Variants in PTPRE observed in about 807,000 individuals in gnomAD.
PTPRE encodes the protein protein tyrosine phosphatase receptor type E.
Under a neutral mutation model 102.0 loss-of-function variants are expected in PTPRE, and 51 were observed. The observed-to-expected ratio is 0.50, with a 90% CI of 0.40 to 0.63. The LOEUF is 0.63. Among genes scored for constraint, PTPRE ranks in the 30% least tolerant of loss-of-function variants. The probability of loss-of-function intolerance (pLI) is 0.00; values close to 1 mark genes in which losing one functional copy is unlikely to be tolerated. For synonymous variants in PTPRE, 345 were observed against 348.2 expected (o/e 0.99, Z 0.10); for missense variants, 752 against 915.1 (o/e 0.82, Z 2.30).
chr10:127,957,565 C>G (rs533630268), intron 1 of PTPRE, among the ~76,000 whole-genome samples: 2 of 152,326 alleles, frequency 1.3e-5, no homozygotes, highest in South Asian at 2.1e-4. Flanking sequence ...GAAAGGCTCT[C>G]CATTCTGTTC....
chr10:128,023,694 G>A (rs1437273614), intron 2 of PTPRE, among the ~76,000 whole-genome samples: 1 of 152,202 alleles, frequency 6.6e-6, no homozygotes, highest in Non-Finnish European at 1.5e-5. Flanking sequence ...AATCGATGGT[G>A]CTTTCCATTA....
intron 1 of PTPRE, among the ~76,000 whole-genome samples, chr10:127,957,158 G>A (rs555914354): frequency 6.6e-6 from 1 of 151,970 alleles, no homozygotes; most frequent in African/African-American, 2.4e-5. Flanking sequence ...CTTATCCAAG[G>A]TCATCTAGAT....
chr10:127,999,885 G>A (rs1853690403), intron 2 of PTPRE: 1 of 985,372 alleles, frequency 1.0e-6, no homozygotes, highest in East Asian at 1.1e-4. Flanking sequence ...CAAATTATCA[G>A]CCCAGGAGAC....
At chr10:127,936,403 A>G (rs898629008) in intron 1 of PTPRE, among the ~76,000 whole-genome samples, 1 of 152,130 alleles carries the variant, frequency 6.6e-6, no homozygotes, top group African/African-American at 2.4e-5. Context: ...TATGTTGTAG[A>G]TGTTATGAAT....
intron 1 of PTPRE, among the ~76,000 whole-genome samples, chr10:127,970,661 A>G (rs1461956876): frequency 6.6e-6 from 1 of 151,836 alleles, no homozygotes; most frequent in Non-Finnish European, 1.5e-5. Flanking sequence ...GTTTTATTAT[A>G]TCAAACTCTG....
intron 1 of PTPRE, among the ~76,000 whole-genome samples, chr10:127,958,938 C>G (rs1849595631): frequency 6.7e-6 from 1 of 149,510 alleles, no homozygotes; most frequent in Non-Finnish European, 1.5e-5. Flanking sequence ...CTCTTGTTGC[C>G]CAGGCTGGAG....
chr10:127,996,426 A>G (rs1008534559), intron 2 of PTPRE, among the ~76,000 whole-genome samples: 2 of 152,208 alleles, frequency 1.3e-5, no homozygotes, highest in Non-Finnish European at 2.9e-5. Context: ...CAGTGGTGCC[A>G]TTTTTCCAGA....
intron 11 of PTPRE, 45 bp from the exon 12 acceptor site, chr10:128,068,078 G>A (rs377441443): frequency 1.6e-5 from 25 of 1,577,962 alleles, no homozygotes; most frequent in Middle Eastern, 2.0e-4. Context: ...GGGGAGCAGG[G>A]GGAGGATTGT....
intron 2 of PTPRE, among the ~76,000 whole-genome samples, chr10:128,038,053 G>C (rs1190890872): frequency 6.7e-6 from 1 of 148,974 alleles, no homozygotes; most frequent in Non-Finnish European, 1.5e-5. Context: ...CACCCGCCTC[G>C]GCCTCTCAAA....
intron 15 of PTPRE, chr10:128,071,181 G>A (rs961198797): frequency 1.3e-5 from 6 of 467,348 alleles, no homozygotes; most frequent in African/African-American, 1.9e-5. Flanking sequence ...CTGATTTCAG[G>A]GGAGGGCTTC....
intron 2 of PTPRE, among the ~76,000 whole-genome samples, chr10:128,038,307 G>A (rs1847397057): frequency 6.6e-6 from 1 of 152,176 alleles, no homozygotes; most frequent in South Asian, 2.1e-4. Flanking sequence ...CCATTACTGG[G>A]TATATACCCA....
chr10:127,969,650 G>A (rs995830997), intron 1 of PTPRE, among the ~76,000 whole-genome samples: 5 of 135,266 alleles, frequency 3.7e-5, no homozygotes, highest in Non-Finnish European at 6.2e-5. Flanking sequence ...CCTGGCAACA[G>A]AGCGATACTC....
intron 1 of PTPRE, among the ~76,000 whole-genome samples, chr10:127,917,308 G>A (rs150457160): frequency 2.6e-5 from 4 of 152,130 alleles, no homozygotes; most frequent in African/African-American, 9.6e-5. Flanking sequence ...CCAAAGGGAA[G>A]CGAAGAGAGT....
intron 17 of PTPRE, among the ~76,000 whole-genome samples, chr10:128,073,890 T>C (rs1487229911): frequency 6.6e-6 from 1 of 152,266 alleles, no homozygotes; most frequent in African/African-American, 2.4e-5. Context: ...TTTGTGTTTT[T>C]ATTTCTTTGC....
chr10:128,029,359 C>T (rs1425267461), intron 2 of PTPRE, among the ~76,000 whole-genome samples: 1 of 152,196 alleles, frequency 6.6e-6, no homozygotes, highest in African/African-American at 2.4e-5. Context: ...AGCCCTGACC[C>T]AGCACCCACT....
chr10:127,909,866 G>A (rs73374394), intron 1 of PTPRE, among the ~76,000 whole-genome samples: 4,605 of 152,174 alleles, frequency 0.03, 147 homozygotes, highest in African/African-American at 0.077. Flanking sequence ...CATTTTTGCC[G>A]ATGTGGATGG....
In PTPRE at chr10:127,944,030, G is replaced by A. The variant is rs559558103; in HGVS notation, c.-31+36721G>A. Among the ~76,000 whole-genome samples the A allele has an allele frequency of 5.8e-4, 88 of 152,322 alleles. 2 individuals carry two copies. In the South Asian group the frequency reaches 0.017, roughly 30 times the overall value. ...CCCAACAAGTGGGGCATTTGTGCAC[G>A]ACAGAACCTAAGGGCACACAAAGTT... On this transcript the variant is annotated intron_variant, in intron 1 of 20. Coordinates refer to ENST00000254667, the MANE Select transcript of PTPRE (RefSeq NM_006504.6). This position sits in a 1 kb window ranked among gnomAD's most constrained non-coding sequence, Gnocchi z 4.2.
At chr10:128,000,803 G>A (rs1296896956) in intron 2 of PTPRE, among the ~76,000 whole-genome samples, 2 of 152,138 alleles carry the variant, frequency 1.3e-5, no homozygotes, top group East Asian at 3.8e-4. Context: ...AGGAAGAGTC[G>A]TCCCTGGCAC....
chr10:127,959,856 G>A (rs1818838764), intron 1 of PTPRE, among the ~76,000 whole-genome samples: 3 of 152,160 alleles, frequency 2.0e-5, no homozygotes, highest in African/African-American at 7.2e-5. Context: ...GAGATATTAT[G>A]AAGCTTCTAG....
Sources: gnomAD v4.1 joint callset for allele counts (sites outside exome capture counted in the v4.1 genomes callset) on GRCh38, gnomAD v4.1.1 for gene constraint, Gnocchi (gnomAD v3.1) non-coding constraint, MANE v1.5 for transcripts, NCBI Gene and HGNC (gene_info 2026-07-23, HGNC 2026-07-21) for gene names.